The following RALGAPA1 variants were observed in gnomAD, a reference collection of about 807,000 sequenced individuals.
RALGAPA1 encodes Ral GTPase activating protein catalytic subunit alpha 1.
Under a neutral mutation model 269.6 loss-of-function variants are expected in RALGAPA1, and 52 were observed. That is an observed-to-expected ratio of 0.19 (90% CI 0.15 to 0.24). The LOEUF is 0.24. Among genes scored for constraint, RALGAPA1 ranks in the 10% least tolerant of loss-of-function variants. The pLI is 1.00. For synonymous variants in RALGAPA1, 817 were observed against 1,008.3 expected (o/e 0.81, Z 3.60); for missense variants, 1,917 against 3,013.9 (o/e 0.64, Z 8.52).
At chr14:35,726,808 C>T (rs2069962085) in intron 13 of RALGAPA1, among the ~76,000 whole-genome samples, 2 of 152,042 alleles carry the variant, frequency 1.3e-5, no homozygotes, top group South Asian at 4.1e-4. Context: ...GATAATTGTC[C>T]AATGTAGTTA....
intron 31 of RALGAPA1, 25 bp downstream of exon 31, chr14:35,651,780 A>G (rs1594979857): frequency 1.3e-6 from 2 of 1,572,716 alleles, no homozygotes; most frequent in Non-Finnish European, 1.7e-6. Flanking sequence ...ACCACATACT[A>G]ATCATCAAAC....
chr14:35,700,191 A>G lies in RALGAPA1; in HGVS notation c.2378T>C (p.Val793Ala). ...AAGCTCATCAGAAAGGGGAGTGAGA[A>G]CAATATCAGGCAAGAAGGGTTTGGA... ...HTSKPFLPDI[V>A]LTPLSDELSD... The change falls in exon 17 of 42, where the codon GTT becomes GCT. Residue 793 changes from valine to alanine, a missense_variant. By Grantham distance (64) the Val-to-Ala change is moderately conservative. This residue lies in a region of RALGAPA1 where 125 missense variants were observed against 155.7 expected (regional missense o/e 0.80). Transcript: ENST00000680220. The G allele has an allele frequency of 1.3e-6, 2 of 1,535,246 alleles. No homozygotes were observed. Among genetic ancestry groups the G allele is most frequent in the South Asian group, 1.2e-5 (1 of 83,906 alleles).
intron 1 of RALGAPA1, among the ~76,000 whole-genome samples, chr14:35,778,173 A>G (rs2075176723): frequency 6.6e-6 from 1 of 151,720 alleles, no homozygotes; most frequent in Non-Finnish European, 1.5e-5. Flanking sequence ...CAATCCTCCC[A>G]CCTCAGCCTC....
chr14:35,788,587 C>T (rs926834043), intron 1 of RALGAPA1, among the ~76,000 whole-genome samples: 7 of 152,088 alleles, frequency 4.6e-5, no homozygotes, highest in African/African-American at 1.4e-4. Context: ...GAGTTCAAGA[C>T]CAGCTTCAGC....
At chr14:35,613,457 T>C (rs2060076512) in intron 35 of RALGAPA1, among the ~76,000 whole-genome samples, 1 of 152,218 alleles carries the variant, frequency 6.6e-6, no homozygotes, top group African/African-American at 2.4e-5. Context: ...TTACACAAAC[T>C]AGGTTGCTTT....
intron 1 of RALGAPA1, among the ~76,000 whole-genome samples, chr14:35,777,651 C>T (rs1318545634): frequency 6.6e-6 from 1 of 152,154 alleles, no homozygotes; most frequent in Non-Finnish European, 1.5e-5. Context: ...CAACCTCCAC[C>T]TCCAGGGTTC....
chr14:35,697,594 C>T (rs1341275280), intron 17 of RALGAPA1, among the ~76,000 whole-genome samples: 1 of 151,954 alleles, frequency 6.6e-6, no homozygotes, highest in Non-Finnish European at 1.5e-5. Flanking sequence ...GATCTGCCTG[C>T]CTCAGCCTCC....
intron 3 of RALGAPA1, among the ~76,000 whole-genome samples, chr14:35,771,443 G>C (rs921717108): frequency 4.0e-5 from 6 of 151,892 alleles, no homozygotes; most frequent in Non-Finnish European, 7.4e-5. Context: ...CTACAAAATA[G>C]TCCCTGAGCT....
intron 41 of RALGAPA1, among the ~76,000 whole-genome samples, chr14:35,540,861 C>A (rs1226228897): frequency 6.6e-6 from 1 of 152,042 alleles, no homozygotes; most frequent in Non-Finnish European, 1.5e-5. Context: ...CAATGTAGCA[C>A]CTCATTGATA....
intron 16 of RALGAPA1, among the ~76,000 whole-genome samples, chr14:35,712,221 T>C (rs2068413616): frequency 7.4e-6 from 1 of 136,044 alleles, no homozygotes; most frequent in African/African-American, 2.9e-5. Flanking sequence ...CACTCCAGCC[T>C]GGGTGACAGA....
chr14:35,773,007 A>C (rs1306575136), intron 3 of RALGAPA1, among the ~76,000 whole-genome samples: 1 of 152,166 alleles, frequency 6.6e-6, no homozygotes, highest in Non-Finnish European at 1.5e-5. Context: ...TGTCCTCCCT[A>C]TGTCTCCCAC....
rs181597496 is a variant in RALGAPA1 at position 35,725,120 on chromosome 14, C to T, written c.1770G>A (p.Thr590=). The T allele has an allele frequency of 8.8e-6, 14 of 1,599,528 alleles. No individual in the cohort carries two copies. Among genetic ancestry groups the T allele is most frequent in the Middle Eastern group, 1.7e-4 (1 of 6,006 alleles). The stretch of plus-strand genomic sequence containing the variant: ...GTGATGGCATCTTCAGTACAGATTC[C>T]GTGACTCTGAGCAACACAAGCAGCA... ...EQMLLVLLRV[T]ESVLKMPSQA... is the part of the protein sequence containing the mutation. The change falls in exon 14 of 42, where the codon ACG becomes ACA. Residue 590 remains threonine, a synonymous_variant. Coordinates refer to ENST00000680220, the MANE Select transcript of RALGAPA1 (RefSeq NM_001346249.2).
At chr14:35,557,600 C>G (rs903850335) in intron 39 of RALGAPA1, among the ~76,000 whole-genome samples, 7 of 152,080 alleles carry the variant, frequency 4.6e-5, no homozygotes, top group Non-Finnish European at 8.8e-5. Flanking sequence ...ATCCATTAAT[C>G]TTGACTTAAA....
rs1358061161 is a variant in RALGAPA1 at position 35,557,200 on chromosome 14, C to T, written c.7497-7966G>A. Among the ~76,000 whole-genome samples the T allele has an allele frequency of 7.5e-5, 11 of 147,182 alleles. No individual in the cohort carries two copies. In the Admixed American group the frequency reaches 7.5e-4, roughly 10 times the overall value. On this transcript the variant is annotated intron_variant, in intron 39 of 41. Coordinates refer to ENST00000680220, the MANE Select transcript of RALGAPA1 (RefSeq NM_001346249.2). ...AACAAAAACTAGGGTATCTGGATTT[C>T]AAATTTAGTGAAATTATAATGTCCT...
At chr14:35,702,414 G>A (rs1431409368) in intron 16 of RALGAPA1, among the ~76,000 whole-genome samples, 1 of 152,114 alleles carries the variant, frequency 6.6e-6, no homozygotes, top group Non-Finnish European at 1.5e-5. Flanking sequence ...TAAGATAATG[G>A]CAACAATTTG....
intron 7 of RALGAPA1, among the ~76,000 whole-genome samples, chr14:35,752,661 C>T (rs2072828939): frequency 6.6e-6 from 1 of 151,828 alleles, no homozygotes; most frequent in African/African-American, 2.4e-5. Flanking sequence ...GAAGTGAGGA[C>T]AGAAAGAGAT....
intron 7 of RALGAPA1, 146 bp from the exon 8 acceptor site, chr14:35,752,308 T>C: frequency 2.1e-6 from 2 of 958,960 alleles, no homozygotes; most frequent in Non-Finnish European, 2.8e-6. Context: ...TAAGGACAAA[T>C]CTTTTAAATT....
chr14:35,709,198 T>G (rs565144791), intron 16 of RALGAPA1, among the ~76,000 whole-genome samples: 5 of 152,236 alleles, frequency 3.3e-5, no homozygotes, highest in Non-Finnish European at 5.9e-5. Flanking sequence ...AATTTAATTG[T>G]GAATTTAAAA....
At chr14:35,773,506 A>C (rs1236382178) in intron 3 of RALGAPA1, among the ~76,000 whole-genome samples, 1 of 152,142 alleles carries the variant, frequency 6.6e-6, no homozygotes, top group Non-Finnish European at 1.5e-5. Flanking sequence ...AAAAATAGTT[A>C]TTTTTACATA....
Sources: gnomAD v4.1 joint callset for allele counts (sites outside exome capture counted in the v4.1 genomes callset) on GRCh38, gnomAD v4.1.1 for gene constraint, gnomAD v4.1.1 regional missense constraint, MANE v1.5 for transcripts, NCBI Gene and HGNC (gene_info 2026-07-23, HGNC 2026-07-21) for gene names.